ANKRD18A: variants seen among roughly 807,000 people sequenced by gnomAD.
ANKRD18A encodes the protein ankyrin repeat domain-containing protein 18A.
A neutral mutation model predicts 110.6 loss-of-function variants in ANKRD18A; 72 were observed. The observed-to-expected ratio is 0.65, with a 90% CI of 0.54 to 0.79. ANKRD18A has a LOEUF of 0.79. Ranked by LOEUF, ANKRD18A falls within the 30% of genes least tolerant of loss-of-function variation. The pLI, the probability that ANKRD18A is intolerant of heterozygous loss-of-function variation, is 0.00. For synonymous variants in ANKRD18A, 305 were observed against 410.3 expected (o/e 0.74, Z 3.10); for missense variants, 934 against 1,163.3 (o/e 0.80, Z 2.87).
Position 38,606,730 on chromosome 9 carries a change from C to G in ANKRD18A, c.808+696G>C, listed in dbSNP as rs1487720306. ...ATCAATTGGAATTAATATTTAGTTA[C>G]TAAATGTAAACCATTTACTATAAAA... On this transcript the variant is annotated intron_variant, in intron 6 of 15. Transcript: ENST00000399703. 2.6e-5 allele frequency among the ~76,000 whole-genome samples: 4 copies of G among 152,122 alleles called. No individual in the cohort carries two copies. In the East Asian group the frequency reaches 5.8e-4, roughly 22 times the overall value.
intron 12 of ANKRD18A, among the ~76,000 whole-genome samples, chr9:38,585,593 A>G (rs1369020122): frequency 6.6e-6 from 1 of 152,184 alleles, no homozygotes; most frequent in Non-Finnish European, 1.5e-5. Context: ...TTTTGGCTGA[A>G]TTTGGGTTTA....
intron 8 of ANKRD18A, among the ~76,000 whole-genome samples, chr9:38,600,847 C>T (rs1447186503): frequency 6.6e-6 from 1 of 152,058 alleles, no homozygotes; most frequent in Non-Finnish European, 1.5e-5. Context: ...TTGATGTTAC[C>T]TTCTTTATCA....
At chr9:38,592,023 A>G (rs1453914348) in intron 10 of ANKRD18A, among the ~76,000 whole-genome samples, 1 of 152,238 alleles carries the variant, frequency 6.6e-6, no homozygotes, top group Non-Finnish European at 1.5e-5. Context: ...CAAACTGGCA[A>G]CCATCCAGAA....
At chr9:38,617,719 T>A (rs1230576578) in intron 1 of ANKRD18A, among the ~76,000 whole-genome samples, 1 of 152,190 alleles carries the variant, frequency 6.6e-6, no homozygotes, top group Non-Finnish European at 1.5e-5. Flanking sequence ...CTATTTTAAA[T>A]CTCTCATCTT....
intron 12 of ANKRD18A, among the ~76,000 whole-genome samples, chr9:38,579,688 G>T (rs1273819208): frequency 6.6e-6 from 1 of 152,198 alleles, no homozygotes; most frequent in Non-Finnish European, 1.5e-5. Flanking sequence ...AAGTGCTGGT[G>T]AGGTTTCAGA....
intron 4 of ANKRD18A, among the ~76,000 whole-genome samples, chr9:38,610,701 G>T (rs1825578296): frequency 6.6e-6 from 1 of 152,066 alleles, no homozygotes; most frequent in Non-Finnish European, 1.5e-5. Flanking sequence ...CTGTGCTGAG[G>T]TCACTTATCT....
chr9:38,569,445 G>C (rs1823558994), downstream of ANKRD18A: 1 of 984,558 alleles, frequency 1.0e-6, no homozygotes, highest in African/African-American at 1.8e-5. Flanking sequence ...CTTTCACCTA[G>C]AAAACAATCC....
chr9:38,592,976 G>A (rs623115), intron 10 of ANKRD18A, among the ~76,000 whole-genome samples: 3,079 of 152,328 alleles, frequency 0.02, 117 homozygotes, highest in African/African-American at 0.07. Flanking sequence ...ATGTAGGGTT[G>A]CTTTTCAGAG....
chr9:38,581,192 GGTAGCAGAAAAGA>G (rs1020830851), intron 12 of ANKRD18A, among the ~76,000 whole-genome samples: 1 of 152,170 alleles, frequency 6.6e-6, no homozygotes, highest in African/African-American at 2.4e-5. Flanking sequence ...AAACAACTTA[GGTAGCAGAAAAGA>G]GTCTCCTTTA....
At chr9:38,613,245 T>A (rs1464741884) in intron 3 of ANKRD18A, among the ~76,000 whole-genome samples, 1 of 151,058 alleles carries the variant, frequency 6.6e-6, no homozygotes, top group African/African-American at 2.4e-5. Flanking sequence ...GTGATGTGGT[T>A]CTGGGGACAC....
At position 38,595,566 on chromosome 9, in the gene ANKRD18A, T is replaced by C; in HGVS notation, c.1774A>G (p.Arg592Gly). The part of the protein sequence containing the change: ...ENGKEDLLEE[R>G]NKELMKEYNY... ...TATTCTTTCATTAATTCCTTATTTC[T>C]TTCTTCTAGAAGATCTTCCTTTCCA... Residue 592 changes from arginine to glycine, a missense_variant, in exon 9 of 16, where the codon AGA (arginine) becomes GGA (glycine). By Grantham distance (125) the Arg-to-Gly change is moderately radical. Coordinates refer to ENST00000399703, the MANE Select transcript of ANKRD18A (RefSeq NM_147195.4). 6.5e-7 allele frequency: 1 copy of C among 1,544,272 alleles called. No homozygotes were observed. Among genetic ancestry groups the C allele is most frequent in the Non-Finnish European group, 8.7e-7 (1 of 1,144,696 alleles).
intron 12 of ANKRD18A, 101 bp from the exon 13 acceptor site, chr9:38,578,249 T>G (rs890922061): frequency 8.6e-7 from 1 of 1,158,574 alleles, no homozygotes; most frequent in East Asian, 2.6e-5. Context: ...TGAAATAAAA[T>G]GTTATCTATA....
At chr9:38,569,597 A>G (rs1338793293), downstream of ANKRD18A, among the ~76,000 whole-genome samples, 3 of 152,148 alleles carry the variant, frequency 2.0e-5, no homozygotes, top group Non-Finnish European at 4.4e-5. Flanking sequence ...GAGGGCCCAG[A>G]GTCGGTGTCC....
intron 10 of ANKRD18A, among the ~76,000 whole-genome samples, chr9:38,590,321 C>G (rs1286983296): frequency 6.6e-6 from 1 of 151,270 alleles, no homozygotes; most frequent in African/African-American, 2.4e-5. Flanking sequence ...GCAGTGGTGC[C>G]ATGTCGGCTC....
chr9:38,603,242 C>A (rs768159736), intron 6 of ANKRD18A, 30 bp from the exon 7 acceptor site: 23 of 1,550,468 alleles, frequency 1.5e-5, no homozygotes, highest in Non-Finnish European at 2.0e-5. Context: ...GTTAGATATT[C>A]CTTCTGGAAA....
At chr9:38,569,264 G>C, downstream of ANKRD18A, 1 of 966,684 alleles carries the variant, frequency 1.0e-6, no homozygotes, top group Non-Finnish European at 1.2e-6. Context: ...GGATGAATGA[G>C]ATGACTGTCA....
Position 38,577,033 on chromosome 9 carries a change from G to T in ANKRD18A, c.2741+20C>A, listed in dbSNP as rs1173745533. 73 of 1,537,484 alleles carry T rather than the reference G, an allele frequency of 4.7e-5. No homozygotes were observed. The highest frequency in any genetic ancestry group is 6.4e-5 in the Non-Finnish European group (73 of 1,141,172). ...TTAATGAGCTGAATTCATTTTCTATGAGTGTATGTTTTGACTTACTTCATT... is the reference window on the plus strand; with the variant it reads ...TTAATGAGCTGAATTCATTTTCTATTAGTGTATGTTTTGACTTACTTCATT... On this transcript the variant is annotated intron_variant, in intron 14 of 15. Coordinates refer to ENST00000399703, the MANE Select transcript of ANKRD18A (RefSeq NM_147195.4).
Position 38,620,591 on chromosome 9 carries a change from C to G in ANKRD18A, c.-306G>C. The G allele has an allele frequency of 1.3e-6, 1 of 786,746 alleles. No homozygotes were observed. The highest frequency in any genetic ancestry group is 1.7e-6 in the Non-Finnish European group (1 of 593,844). The allele number at this position is 786,746 out of a possible 1,614,324, so 48.7% of individuals were successfully genotyped here. A position where few individuals can be genotyped will look rare whatever the true frequency, so the allele number is the denominator to read the frequency against. ...AACCTCAGCGCTCCGAACTCTCAGA[C>G]CGAGTGAGTCCCCGCGATGCCAGTT... is the stretch of plus-strand genomic sequence containing the variant. On this transcript the variant is annotated 5_prime_UTR_variant, in exon 1 of 16. Coordinates refer to ENST00000399703, the MANE Select transcript of ANKRD18A (RefSeq NM_147195.4).
downstream of ANKRD18A, chr9:38,567,023 A>C (rs563697227): frequency 6.6e-6 from 1 of 152,362 alleles, no homozygotes; most frequent in East Asian, 1.9e-4. Flanking sequence ...TTGAATATAA[A>C]GACATCCACA....
Sources: gnomAD v4.1 joint callset for allele counts (sites outside exome capture counted in the v4.1 genomes callset) on GRCh38, gnomAD v4.1.1 for gene constraint, MANE v1.5 for transcripts, NCBI Gene and HGNC (gene_info 2026-07-23, HGNC 2026-07-21) for gene names.